The following PRPF40B variants were observed in gnomAD, a reference collection of about 807,000 sequenced individuals.
PRPF40B encodes pre-mRNA processing factor 40B.
In PRPF40B, 56 loss-of-function variants were observed where a neutral mutation model predicts 124.5. The observed-to-expected ratio is 0.45, with a 90% CI of 0.36 to 0.56. The LOEUF (loss-of-function observed/expected upper bound fraction) is 0.56. PRPF40B is among the 20% of genes least tolerant of loss of function. The pLI is 0.00. For missense variants in PRPF40B, 1,053 were observed against 1,169.5 expected, an observed-to-expected ratio of 0.90 and a Z score of 1.45; for synonymous variants, 443 against 426.4, an observed-to-expected ratio of 1.04 and a Z score of -0.48.
chr12:49,634,291 G>C (rs1941526062), intron 10 of PRPF40B, 41 bp from the exon 11 acceptor site: 2 of 1,613,546 alleles, frequency 1.2e-6, no homozygotes, highest in Non-Finnish European at 1.7e-6. Flanking sequence ...AAAGCTGTGA[G>C]AGCTGGGGGA....
At chr12:49,633,850 C>A in intron 9 of PRPF40B, 36 bp from the exon 10 acceptor site, 1 of 1,612,116 alleles carries the variant, frequency 6.2e-7, no homozygotes, top group East Asian at 2.2e-5. Context: ...CATTCTTGCT[C>A]TCCTCCTGGA....
chr12:49,640,799 G>A (rs1040720217), intron 18 of PRPF40B: 1 of 152,246 alleles, frequency 6.6e-6, no homozygotes, highest in African/African-American at 2.4e-5. Flanking sequence ...AAGAGCAGAG[G>A]TAGTTAGCTT....
chr12:49,633,588 G>A (rs774623847), intron 8 of PRPF40B, 41 bp downstream of exon 8: 1 of 1,614,250 alleles, frequency 6.2e-7, no homozygotes, highest in Non-Finnish European at 8.5e-7. Flanking sequence ...GAGCTCTGGG[G>A]GCTCCCTATT....
At chr12:49,634,635 C>A in intron 12 of PRPF40B, 33 bp downstream of exon 12, 1 of 1,613,332 alleles carries the variant, frequency 6.2e-7, no homozygotes, top group Non-Finnish European at 8.5e-7. Context: ...AGGCCCTGTT[C>A]ATGAGAGCAG....
Position 49,634,420 on chromosome 12 carries a change from G to A in PRPF40B, c.901G>A (p.Ala301Thr). 1 of 1,614,224 alleles carries A rather than the reference G, an allele frequency of 6.2e-7. No individual in the cohort carries two copies. Among genetic ancestry groups the A allele is most frequent in the Non-Finnish European group, 8.5e-7 (1 of 1,180,022 alleles). ...SGLSWSNREK[A>T]KQAFKELLRD... is the part of the protein sequence containing the mutation. ...CCTCAGTTGGAGCAACCGGGAGAAG[G>A]CAAAGCAGGCATTCAAGGAACTGCT... is the stretch of plus-strand genomic sequence containing the variant. Residue 301 changes from alanine to threonine, a missense_variant, in exon 11 of 26, where the codon GCA becomes ACA. By Grantham distance (58) the Ala-to-Thr change is moderately conservative. Around this residue, in one of 2 missense-constraint regions of PRPF40B, gnomAD observed 895 missense variants for 1,052.2 expected, o/e 0.85. Coordinates refer to ENST00000548825, the MANE Select transcript of PRPF40B (RefSeq NM_001031698.3).
At position 49,632,996 on chromosome 12, in the gene PRPF40B, G is replaced by GGGGGGGGGCCC; in HGVS notation, c.349-18_349-17insGGGGGGGGCCC. On this transcript the variant is annotated splice_polypyrimidine_tract_variant and intron_variant, in intron 6 of 25. Coordinates refer to ENST00000548825, the MANE Select transcript of PRPF40B (RefSeq NM_001031698.3). ...AAAGGGGCCTTGACCACCATTCTGT[G>GGGGGGGGGCCC]CCCCCCCCCCCACCCAGAGGGCCCT... 4 of 1,147,378 alleles carry GGGGGGGGGCCC rather than the reference G, an allele frequency of 3.5e-6. No individual in the cohort carries two copies. The highest frequency in any genetic ancestry group is 4.9e-6 in the Non-Finnish European group (4 of 822,996). The allele number at this position is 1,147,378 out of a possible 1,614,324, so 71.1% of individuals were successfully genotyped here. A position where few individuals can be genotyped will look rare whatever the true frequency, so the allele number is the denominator to read the frequency against.
In PRPF40B at chr12:49,644,305, G is replaced by A. The variant is rs1943055370; in HGVS notation, c.*113G>A. ...CTGGTCTGTGTCCACTTTTTCTAAA[G>A]TAACCCCACCCCCAGCACACCATTG... On this transcript the variant is annotated 3_prime_UTR_variant, in exon 26 of 26. Transcript: ENST00000548825. 1.7e-6 allele frequency: 2 copies of A among 1,197,942 alleles called. No homozygotes were observed. Among genetic ancestry groups the A allele is most frequent in the South Asian group, 2.6e-5 (2 of 75,740 alleles). 74.2% of individuals were successfully genotyped at this position (1,197,942 alleles called of 1,614,324 possible).
Position 49,642,100 on chromosome 12 carries a change from C to T in PRPF40B, c.1884+76C>T. The T allele has an allele frequency of 6.2e-7, 1 of 1,603,578 alleles. No homozygotes were observed. Among genetic ancestry groups the T allele is most frequent in the East Asian group, 2.2e-5 (1 of 44,776 alleles). On this transcript the variant is annotated intron_variant, in intron 19 of 25. Coordinates refer to ENST00000548825, the MANE Select transcript of PRPF40B (RefSeq NM_001031698.3). The surrounding 1 kb of genome is among the most constrained non-coding windows in gnomAD (Gnocchi z 5.8). ...CTCCATTCCTTCTCACTCACTGTCC[C>T]ACTGACTATATTCCCAATTCAGGGG...
At position 49,634,028 on chromosome 12, in the gene PRPF40B, G is replaced by A. The variant is rs767424385; in HGVS notation, c.748G>A (p.Val250Met). The change falls in exon 10 of 26, where the codon GTG (valine) becomes ATG (methionine). Residue 250 changes from valine to methionine, a missense_variant. Coordinates refer to ENST00000548825, the MANE Select transcript of PRPF40B (RefSeq NM_001031698.3). ...GCCAGGTGGGAGTGAAGATTGTGAT[G>A]TGTTGGAGGCCACCCAGCCCCTGGA... Reference protein sequence around the residue: ...PEPGGSEDCDVLEATQPLEQG... With the variant: ...PEPGGSEDCDMLEATQPLEQG... 5 of 1,613,924 alleles carry A rather than the reference G, an allele frequency of 3.1e-6. No individual in the cohort carries two copies. Among genetic ancestry groups the A allele is most frequent in the African/African-American group, 2.7e-5 (2 of 74,946 alleles).
At position 49,631,594 on chromosome 12, in the gene PRPF40B, TG is replaced by T. The variant is rs1340548423; in HGVS notation, c.228+55del. Reference sequence around the variant, plus strand: ...CCTCAGAAAACCCTGTCAGTTTAGCTGGGGGTGGAGATAAGAGCGGGCATGT... The same window carrying T: ...CCTCAGAAAACCCTGTCAGTTTAGCTGGGGTGGAGATAAGAGCGGGCATGT... On this transcript the variant is annotated intron_variant, in intron 3 of 25. Coordinates refer to ENST00000548825, the MANE Select transcript of PRPF40B (RefSeq NM_001031698.3). This position sits in a 1 kb window ranked among gnomAD's most constrained non-coding sequence, Gnocchi z 4.3. 4.6e-6 allele frequency: 7 copies of T among 1,524,576 alleles called. No homozygotes were observed. Among genetic ancestry groups the T allele is most frequent in the African/African-American group, 1.4e-5 (1 of 71,606 alleles). 94.4% of individuals were successfully genotyped at this position (1,524,576 alleles called of 1,614,324 possible). A position where few individuals can be genotyped will look rare whatever the true frequency, so the allele number is the denominator to read the frequency against.
intron 18 of PRPF40B, chr12:49,638,051 G>A: frequency 1.9e-6 from 1 of 518,402 alleles, no homozygotes; most frequent in Non-Finnish European, 3.4e-6. Context: ...TATACAAAGG[G>A]GCAAGTGTTA....
chr12:49,638,012 T>G (rs988198059), intron 18 of PRPF40B, 188 bp downstream of exon 18: 2 of 587,452 alleles, frequency 3.4e-6, no homozygotes, highest in African/African-American at 1.9e-5. Context: ...GAGCTCATGG[T>G]CTAATAGGAA....
intron 6 of PRPF40B, 21 bp from the exon 7 acceptor site, chr12:49,632,993 T>TGGGGGGGG: frequency 6.7e-7 from 1 of 1,498,386 alleles, no homozygotes; most frequent in Non-Finnish European, 9.2e-7. Context: ...ACCACCATTC[T>TGGGGGGGG]GTGCCCCCCC....
intron 15 of PRPF40B, 58 bp from the exon 16 acceptor site, chr12:49,636,658 G>C (rs769745722): frequency 8.0e-5 from 128 of 1,605,934 alleles, no homozygotes; most frequent in Non-Finnish European, 1.1e-4. Flanking sequence ...AGGGGTGCTG[G>C]GGTCTGAGAG....
chr12:49,642,032 G>A lies in PRPF40B; in HGVS notation c.1884+8G>A. Reference sequence around the variant, plus strand: ...AAGCTGACCTTCAATAGTGTGAGGGGCTGGGCGGGGCGTGGGAAGTTCTCT... The same window carrying A: ...AAGCTGACCTTCAATAGTGTGAGGGACTGGGCGGGGCGTGGGAAGTTCTCT... On this transcript the variant is annotated splice_region_variant and intron_variant, in intron 19 of 25. Coordinates refer to ENST00000548825, the MANE Select transcript of PRPF40B (RefSeq NM_001031698.3). This position sits in a 1 kb window ranked among gnomAD's most constrained non-coding sequence, Gnocchi z 5.8. 1 of 1,610,886 alleles carries A rather than the reference G, an allele frequency of 6.2e-7. No homozygotes were observed. Among genetic ancestry groups the A allele is most frequent in the Non-Finnish European group, 8.5e-7 (1 of 1,179,548 alleles).
chr12:49,635,299 C>T lies in PRPF40B; in HGVS notation c.1166+36C>T. ...CAGGCTGGGCTGGGACTTGGGAACC[C>T]TGAGAACACAAAGGTCCAGGGTCTC... On this transcript the variant is annotated intron_variant, in intron 13 of 25. Coordinates refer to ENST00000548825, the MANE Select transcript of PRPF40B (RefSeq NM_001031698.3). This position sits in a 1 kb window ranked among gnomAD's most constrained non-coding sequence, Gnocchi z 4.1. 6.2e-7 allele frequency: 1 copy of T among 1,609,534 alleles called. No individual in the cohort carries two copies.
Position 49,632,995 on chromosome 12 carries a change from T to TGGGGGGGGGGGGGGGGGGGGGGGGG in PRPF40B, c.349-18_349-17insGGGGGGGGGGGGGGGGGGGGGGGGG. The TGGGGGGGGGGGGGGGGGGGGGGGGG allele has an allele frequency of 2.9e-6, 4 of 1,365,434 alleles. No individual in the cohort carries two copies. The highest frequency in any genetic ancestry group is 2.0e-6 in the Non-Finnish European group (2 of 979,270). 84.6% of individuals were successfully genotyped at this position (1,365,434 alleles called of 1,614,324 possible). On this transcript the variant is annotated intron_variant, in intron 6 of 25. Transcript: ENST00000548825. The stretch of plus-strand genomic sequence containing the variant: ...AAAAGGGGCCTTGACCACCATTCTG[T>TGGGGGGGGGGGGGGGGGGGGGGGGG]GCCCCCCCCCCCACCCAGAGGGCCC...
Position 49,637,496 on chromosome 12 carries a change from A to G in PRPF40B, c.1587A>G (p.Thr529=), listed in dbSNP as rs1228373915. ...CCTTCCTGGACGAGCTGCATGAGAC[A>G]GGGCAGCTGCACTCTATGTCCACCT... is the stretch of plus-strand genomic sequence containing the variant. The part of the protein sequence containing the change: ...FQTFLDELHE[T]GQLHSMSTWM... The change falls in exon 17 of 26, where the codon ACA becomes ACG. Residue 529 remains threonine (T), a synonymous_variant. Transcript: ENST00000548825. 1 of 1,613,644 alleles carries G rather than the reference A, an allele frequency of 6.2e-7. No homozygotes were observed. The highest frequency in any genetic ancestry group is 1.7e-5 in the Admixed American group (1 of 60,020).
chr12:49,632,561 G>T, intron 4 of PRPF40B, 35 bp from the exon 5 acceptor site: 1 of 1,610,958 alleles, frequency 6.2e-7, no homozygotes, highest in Non-Finnish European at 8.5e-7. Context: ...CACTGGGCTT[G>T]GCCCCAACCC....
Sources: gnomAD v4.1 joint callset for allele counts on GRCh38, gnomAD v4.1.1 for gene constraint, gnomAD v4.1.1 regional missense constraint, Gnocchi (gnomAD v3.1) non-coding constraint, MANE v1.5 for transcripts, NCBI Gene and HGNC (gene_info 2026-07-23, HGNC 2026-07-21) for gene names.